ITSN2: variants seen among roughly 807,000 people sequenced by gnomAD.
ITSN2 encodes the protein intersectin-2.
In ITSN2, 156 loss-of-function variants were observed where a neutral mutation model predicts 243.7. The observed-to-expected ratio is 0.64, with a 90% CI of 0.56 to 0.73. ITSN2 has a LOEUF of 0.73. ITSN2 is among the 30% of genes least tolerant of loss of function. The pLI is 0.00. For missense variants in ITSN2, 1,801 were observed against 1,996.1 expected (o/e 0.90, Z 1.86); for synonymous variants, 703 against 699.9 (o/e 1.00, Z -0.07).
chr2:24,345,886 C>T (rs1687478501), intron 1 of ITSN2, among the ~76,000 whole-genome samples: 1 of 152,092 alleles, frequency 6.6e-6, no homozygotes. Flanking sequence ...CAAAGAAAGG[C>T]CTGTCTCATA....
chr2:24,218,812 G>A (rs1471271672), intron 30 of ITSN2, among the ~76,000 whole-genome samples: 2 of 152,178 alleles, frequency 1.3e-5, no homozygotes, highest in Non-Finnish European at 2.9e-5. Context: ...GAGATTCCTA[G>A]GGAATGACTT....
At chr2:24,215,665 TAAAAAAAA>T (rs59939223) in intron 32 of ITSN2, among the ~76,000 whole-genome samples, 4 of 128,624 alleles carry the variant, frequency 3.1e-5, no homozygotes, top group African/African-American at 1.2e-4. Flanking sequence ...AGATTCTGTT[TAAAAAAAA>T]AAAAAAAAAA....
intron 37 of ITSN2, among the ~76,000 whole-genome samples, chr2:24,207,509 T>C (rs1669022663): frequency 6.6e-6 from 1 of 151,882 alleles, no homozygotes; most frequent in South Asian, 2.1e-4. Context: ...AGAGTGTGGC[T>C]AGCCTGACCC....
chr2:24,220,296 T>A, intron 30 of ITSN2: 2 of 983,814 alleles, frequency 2.0e-6, no homozygotes, highest in African/African-American at 3.5e-5. Flanking sequence ...CACTGGGAAC[T>A]GAAAGGCATG....
intron 22 of ITSN2, among the ~76,000 whole-genome samples, chr2:24,259,428 G>A (rs1016941647): frequency 6.6e-6 from 1 of 152,082 alleles, no homozygotes; most frequent in African/African-American, 2.4e-5. Flanking sequence ...TGCTAATCCA[G>A]ACTTTATGTT....
rs1553355845 is a variant in ITSN2, at chr2:24,251,309, C to CAAAAAAAAAAAAAAAAAAA, written c.3120+1035_3120+1036insTTTTTTTTTTTTTTTTTTT. 1.7e-3 allele frequency among the ~76,000 whole-genome samples: 37 copies of CAAAAAAAAAAAAAAAAAAA among 22,012 alleles called. 17 individuals are homozygous for CAAAAAAAAAAAAAAAAAAA. The highest frequency in any genetic ancestry group is 1.7e-3 in the Non-Finnish European group (24 of 13,752). 14.4% of individuals were successfully genotyped at this position (22,012 alleles called of 152,430 possible). ...TGGGCAACAGAACTAAACTCCATCT[C>CAAAAAAAAAAAAAAAAAAA]AAAAAAAAAAAAAAATAAAATATAT... On this transcript the variant is annotated intron_variant, in intron 25 of 39. Coordinates refer to ENST00000355123, the MANE Select transcript of ITSN2 (RefSeq NM_006277.3).
intron 16 of ITSN2, among the ~76,000 whole-genome samples, chr2:24,285,264 T>C (rs1224676305): frequency 1.3e-5 from 2 of 152,126 alleles, no homozygotes; most frequent in Non-Finnish European, 2.9e-5. Context: ...CAATGACAAA[T>C]GATTTGGTTT....
intron 17 of ITSN2, among the ~76,000 whole-genome samples, chr2:24,281,014 A>G (rs766868057): frequency 1.3e-5 from 2 of 152,090 alleles, no homozygotes; most frequent in Admixed American, 1.3e-4. Context: ...TGGTACATCT[A>G]TATCAATAGG....
At chr2:24,352,120 T>C (rs1202449195) in intron 1 of ITSN2, among the ~76,000 whole-genome samples, 1 of 152,118 alleles carries the variant, frequency 6.6e-6, no homozygotes, top group Non-Finnish European at 1.5e-5. Flanking sequence ...AAAAACATAG[T>C]GTATATAGGT....
chr2:24,205,599 T>G (rs1355435065), intron 37 of ITSN2: 1 of 351,626 alleles, frequency 2.8e-6, no homozygotes, highest in African/African-American at 2.1e-5. Flanking sequence ...CCAGTATCCC[T>G]CGCTTATGAG....
chr2:24,337,394 A>G (rs1238455175), intron 1 of ITSN2, among the ~76,000 whole-genome samples: 1 of 137,312 alleles, frequency 7.3e-6, no homozygotes, highest in East Asian at 2.1e-4. Flanking sequence ...TCTATCACCC[A>G]GGCTGGAGTG....
At chr2:24,357,706 A>G (rs1688579580) in intron 1 of ITSN2, among the ~76,000 whole-genome samples, 1 of 152,224 alleles carries the variant, frequency 6.6e-6, no homozygotes, top group Admixed American at 6.5e-5. Context: ...TGAATCCAAA[A>G]AAAGAAAAAG....
chr2:24,215,142 T>C (rs1376478420), intron 32 of ITSN2, among the ~76,000 whole-genome samples: 6 of 152,244 alleles, frequency 3.9e-5, no homozygotes, highest in Non-Finnish European at 1.5e-5. Context: ...CATGTTTAAC[T>C]TGTGACGTGG....
chr2:24,210,866 G>A lies in ITSN2; in HGVS notation c.4171C>T (p.Gln1391Ter). Residue 1391 changes from glutamine (Q) to a stop codon, truncating the protein, a stop_gained, in exon 34 of 40, where the codon CAA becomes TAA. Coordinates refer to ENST00000355123, the MANE Select transcript of ITSN2 (RefSeq NM_006277.3). LOFTEE classifies it high-confidence loss of function. Reference protein sequence around the residue: ...ALERAEELCSQVNEGVREKEN... With the variant: ...ALERAEELCS ...TTCTCCCGAACTCCCTCATTCACTT[G>A]AGAGCACAGCTCCTCTGCCCGCTCG... 1 of 1,614,138 alleles carries A rather than the reference G, an allele frequency of 6.2e-7. No individual in the cohort carries two copies. The highest frequency in any genetic ancestry group is 8.5e-7 in the Non-Finnish European group (1 of 1,180,010).
rs1008874280 is a variant in ITSN2, at chr2:24,308,488, T to C, written c.793+129A>G. On this transcript the variant is annotated intron_variant, in intron 8 of 39. Coordinates refer to ENST00000355123, the MANE Select transcript of ITSN2 (RefSeq NM_006277.3). ...ACTTCAGGTATTTGTATTTATCAAA[T>C]GCCTGCTAAATTTTTTGGATGTTAA... 3 of 515,568 alleles carry C rather than the reference T, an allele frequency of 5.8e-6. No individual in the cohort carries two copies. The African/African-American group carries it at 5.9e-5, about 10-fold the overall frequency. The allele number at this position is 515,568 out of a possible 1,614,324, so 31.9% of individuals were successfully genotyped here. A position where few individuals can be genotyped will look rare whatever the true frequency, so the allele number is the denominator to read the frequency against.
chr2:24,305,899 T>G (rs1399708959), intron 8 of ITSN2, among the ~76,000 whole-genome samples: 2 of 152,314 alleles, frequency 1.3e-5, no homozygotes, highest in Middle Eastern at 3.4e-3. Flanking sequence ...GCCCTTCATA[T>G]TCCAATGCAA....
In ITSN2 at chr2:24,254,451, A is replaced by G. The variant is rs1435536112; in HGVS notation, c.2889-20T>C. 2 of 1,545,022 alleles carry G rather than the reference A, an allele frequency of 1.3e-6. No homozygotes were observed. The highest frequency in any genetic ancestry group is 2.2e-5 in the South Asian group (2 of 89,358). ...TCTGGTCTACCAAATATATAAACAA[A>G]CAAACAAACAAACAAACAAATACAA... On this transcript the variant is annotated intron_variant, in intron 23 of 39. Transcript: ENST00000355123.
intron 1 of ITSN2, among the ~76,000 whole-genome samples, chr2:24,341,449 G>A (rs1558656807): frequency 6.6e-6 from 1 of 152,204 alleles, no homozygotes; most frequent in Non-Finnish European, 1.5e-5. Flanking sequence ...AGAGTTAAGA[G>A]TTTCAAGGAG....
At position 24,210,822 on chromosome 2, in the gene ITSN2, C is replaced by T. The variant is rs1397631755; in HGVS notation, c.4215G>A (p.Leu1405=). 15 of 1,613,968 alleles carry T rather than the reference C, an allele frequency of 9.3e-6. No homozygotes were observed. Among genetic ancestry groups the T allele is most frequent in the Non-Finnish European group, 1.2e-5 (14 of 1,180,012 alleles). ...GVREKENSDR[L]EWIQAHVQCE... The stretch of plus-strand genomic sequence containing the variant: ...ACTGCACGTGCGCCTGGATCCACTC[C>T]AGTCGGTCCGAGTTTTCCTTCTCCC... Residue 1405 remains leucine, a synonymous_variant, in exon 34 of 40, where the codon CTG becomes CTA. Transcript: ENST00000355123.
Sources: gnomAD v4.1 joint callset for allele counts (sites outside exome capture counted in the v4.1 genomes callset) on GRCh38, gnomAD v4.1.1 for gene constraint, MANE v1.5 for transcripts, NCBI Gene and HGNC (gene_info 2026-07-23, HGNC 2026-07-21) for gene names.